The following IKZF2 variants were observed in gnomAD, a reference collection of about 807,000 sequenced individuals.
IKZF2 encodes the protein zinc finger protein Helios.
Under a neutral mutation model 49.2 loss-of-function variants are expected in IKZF2, and 15 were observed. The ratio of observed to expected loss-of-function variants is 0.30; its 90% confidence interval spans 0.20 to 0.47. IKZF2 has a LOEUF of 0.47. IKZF2 is among the 20% of genes least tolerant of loss of function. The probability of loss-of-function intolerance (pLI) is 1.00; values close to 1 mark genes in which losing one functional copy is unlikely to be tolerated. For missense variants in IKZF2, 567 were observed against 664.6 expected, an observed-to-expected ratio of 0.85 and a Z score of 1.61; for synonymous variants, 227 against 221.4, an observed-to-expected ratio of 1.03 and a Z score of -0.23.
At position 213,007,402 on chromosome 2, in the gene IKZF2, C is replaced by T; in HGVS notation, c.1539G>A (p.Glu513=). ...CCCCTCGAACAATGTGTGATGAAAA[C>T]TCATAACGGTCCTGGCTTCTGTAGC... ...ICGYRSQDRY[E]FSSHIVRGEH... Residue 513 remains glutamate, a synonymous_variant, in exon 9 of 9, where the codon GAG becomes GAA. Transcript: ENST00000434687. The T allele has an allele frequency of 1.2e-6, 2 of 1,613,408 alleles. No individual in the cohort carries two copies. Among genetic ancestry groups the T allele is most frequent in the Admixed American group, 1.7e-5 (1 of 59,928 alleles).
chr2:213,031,793 C>T (rs1478020688), intron 6 of IKZF2, among the ~76,000 whole-genome samples: 1 of 152,156 alleles, frequency 6.6e-6, no homozygotes, highest in Non-Finnish European at 1.5e-5. Context: ...GATGCTTAAT[C>T]TCTCTAAATT....
chr2:213,138,645 A>G (rs1464733228), intron 4 of IKZF2, among the ~76,000 whole-genome samples: 1 of 152,070 alleles, frequency 6.6e-6, no homozygotes, highest in Non-Finnish European at 1.5e-5. Flanking sequence ...AAAGATTCAC[A>G]TCTGGAAAAC....
rs1218420783 is a variant in IKZF2 at position 213,002,161 on chromosome 2, T to C, written c.*5199A>G. ...CTTAGCAGAGGGCCTTTAACTTTTA[T>C]ATTTTATTCACAATAAAAAGGACAT... On this transcript the variant is annotated 3_prime_UTR_variant, in exon 9 of 9. Transcript: ENST00000434687. 1 of 151,506 alleles carries C rather than the reference T, an allele frequency of 6.6e-6. No individual in the cohort carries two copies. The highest frequency in any genetic ancestry group is 2.4e-5 in the African/African-American group (1 of 41,396). 9.4% of individuals were successfully genotyped at this position (151,506 alleles called of 1,614,324 possible). A position where few individuals can be genotyped will look rare whatever the true frequency, so the allele number is the denominator to read the frequency against.
chr2:213,093,410 T>C (rs1056081843), intron 4 of IKZF2, among the ~76,000 whole-genome samples: 3 of 152,162 alleles, frequency 2.0e-5, no homozygotes, highest in Non-Finnish European at 4.4e-5. Context: ...ACATATACAA[T>C]GGTCTCTCAT....
intron 4 of IKZF2, among the ~76,000 whole-genome samples, chr2:213,140,603 AT>A (rs997246871): frequency 1.3e-5 from 2 of 151,828 alleles, no homozygotes; most frequent in African/African-American, 2.4e-5. Flanking sequence ...TAATCTTATG[AT>A]TTTTTTTAAA....
At chr2:213,043,304 C>A (rs971454764) in intron 6 of IKZF2, among the ~76,000 whole-genome samples, 1 of 152,042 alleles carries the variant, frequency 6.6e-6, no homozygotes, top group African/African-American at 2.4e-5. Flanking sequence ...TGTATTCATG[C>A]ACATCTGTGC....
intron 4 of IKZF2, among the ~76,000 whole-genome samples, chr2:213,117,185 A>T (rs1454978805): frequency 1.3e-5 from 2 of 152,198 alleles, no homozygotes; most frequent in Non-Finnish European, 2.9e-5. Flanking sequence ...CACTGAAAGG[A>T]GCAACTGTCA....
intron 4 of IKZF2, among the ~76,000 whole-genome samples, chr2:213,062,371 C>G (rs1701775873): frequency 6.6e-6 from 1 of 151,540 alleles, no homozygotes; most frequent in South Asian, 2.1e-4. Flanking sequence ...GATTTATTTT[C>G]TCTATTTAAA....
chr2:213,033,667 C>CTTAAA (rs3069567), intron 6 of IKZF2, among the ~76,000 whole-genome samples: 122,739 of 151,876 alleles, frequency 0.81, 50,915 homozygotes, highest in Non-Finnish European at 0.91. Context: ...AAACAATAGG[C>CTTAAA]TTATTCACTA....
chr2:213,097,767 C>T (rs182154445), intron 4 of IKZF2: 10 of 160,446 alleles, frequency 6.2e-5, no homozygotes, highest in Non-Finnish European at 1.1e-4. Context: ...CAGCTCTCCC[C>T]CTCTGCTCTC....
intron 2 of IKZF2, 134 bp from the exon 3 acceptor site, chr2:213,148,778 G>A (rs2061168315): frequency 1.6e-6 from 1 of 643,862 alleles, no homozygotes; most frequent in East Asian, 2.8e-5. Flanking sequence ...CATACACAGT[G>A]TACTGTATGT....
At chr2:213,027,549 C>T (rs987874838) in intron 6 of IKZF2, among the ~76,000 whole-genome samples, 1 of 152,066 alleles carries the variant, frequency 6.6e-6, no homozygotes, top group Non-Finnish European at 1.5e-5. Flanking sequence ...ATTGGCACCC[C>T]TTTCTCCAGT....
At chr2:213,100,508 C>T (rs912514071) in intron 4 of IKZF2, among the ~76,000 whole-genome samples, 3 of 151,842 alleles carry the variant, frequency 2.0e-5, no homozygotes, top group Non-Finnish European at 4.4e-5. Flanking sequence ...GCCAAAATAC[C>T]ATAGGGGCCC....
At chr2:213,093,746 A>G (rs1705627613) in intron 4 of IKZF2, among the ~76,000 whole-genome samples, 1 of 152,186 alleles carries the variant, frequency 6.6e-6, no homozygotes, top group South Asian at 2.1e-4. Flanking sequence ...GAAATACCCA[A>G]TAACAGAACC....
At chr2:213,024,605 A>T (rs1315214969) in intron 6 of IKZF2, among the ~76,000 whole-genome samples, 3 of 152,156 alleles carry the variant, frequency 2.0e-5, no homozygotes, top group Non-Finnish European at 2.9e-5. Context: ...AAAAGTAGTC[A>T]TTATATAATT....
intron 5 of IKZF2, 121 bp downstream of exon 5, chr2:213,056,712 A>T: frequency 2.5e-6 from 3 of 1,196,130 alleles, no homozygotes; most frequent in South Asian, 2.6e-5. Context: ...TACTAGCAGA[A>T]TTCTGAAAAG....
chr2:213,121,990 G>A (rs2060074390), intron 4 of IKZF2, among the ~76,000 whole-genome samples: 1 of 152,098 alleles, frequency 6.6e-6, no homozygotes, highest in Admixed American at 6.5e-5. Context: ...AAAATACAGT[G>A]TGAAAATATT....
intron 4 of IKZF2, among the ~76,000 whole-genome samples, chr2:213,081,429 T>C (rs910358672): frequency 1.3e-5 from 2 of 152,182 alleles, no homozygotes; most frequent in African/African-American, 4.8e-5. Context: ...TGAACTACAA[T>C]GAGCTCAAAG....
chr2:213,108,684 A>C (rs2059608988), intron 4 of IKZF2, among the ~76,000 whole-genome samples: 1 of 152,206 alleles, frequency 6.6e-6, no homozygotes, highest in Non-Finnish European at 1.5e-5. Context: ...CTTTAAAAGA[A>C]GGTACATATA....
Sources: gnomAD v4.1 joint callset for allele counts (sites outside exome capture counted in the v4.1 genomes callset) on GRCh38, gnomAD v4.1.1 for gene constraint, MANE v1.5 for transcripts, NCBI Gene and HGNC (gene_info 2026-07-23, HGNC 2026-07-21) for gene names.